ENAH: variants seen among roughly 807,000 people sequenced by gnomAD.
The protein encoded by ENAH is ENAH actin regulator.
ENAH carries 23 observed loss-of-function variants against 78.7 expected under a neutral mutation model. The ratio of observed to expected loss-of-function variants is 0.29; its 90% CI spans 0.21 to 0.41. The LOEUF (loss-of-function observed/expected upper bound fraction) is 0.41. Among genes scored for constraint, ENAH ranks in the 10% least tolerant of loss-of-function variants. The probability of loss-of-function intolerance (pLI) is 1.00; values close to 1 mark genes in which losing one functional copy is unlikely to be tolerated. For synonymous variants in ENAH, 226 were observed against 241.0 expected, an observed-to-expected ratio of 0.94 and a Z score of 0.58; for missense variants, 544 against 691.0, an observed-to-expected ratio of 0.79 and a Z score of 2.39.
chr1:225,539,748 A>C (rs548027753), intron 3 of ENAH, among the ~76,000 whole-genome samples: 1 of 152,268 alleles, frequency 6.6e-6, no homozygotes, highest in East Asian at 1.9e-4. Context: ...AATTTCTCAA[A>C]TATGCTGTAT....
chr1:225,510,744 G>A (rs1375160823), intron 10 of ENAH, among the ~76,000 whole-genome samples: 2 of 151,280 alleles, frequency 1.3e-5, no homozygotes, highest in Admixed American at 6.6e-5. Context: ...GTGCACTGTG[G>A]CTCACGCCTG....
At chr1:225,497,960 A>C in intron 13 of ENAH, 148 bp from the exon 14 acceptor site, 1 of 627,572 alleles carries the variant, frequency 1.6e-6, no homozygotes, top group Non-Finnish European at 2.7e-6. Context: ...CACATCTTTA[A>C]TATTAGAAAG....
At chr1:225,558,399 T>C (rs561311125) in intron 2 of ENAH, among the ~76,000 whole-genome samples, 9 of 152,308 alleles carry the variant, frequency 5.9e-5, no homozygotes, top group Admixed American at 2.0e-4. Context: ...TTAATTTCTT[T>C]AAAGTGTTTT....
chr1:225,499,713 C>T (rs2096271224), intron 12 of ENAH, among the ~76,000 whole-genome samples: 3 of 152,022 alleles, frequency 2.0e-5, no homozygotes, highest in African/African-American at 7.2e-5. Context: ...CCTGCAGATT[C>T]AAGATCAGAG....
At chr1:225,652,434 C>T (rs1663191148) in intron 1 of ENAH, 1 of 984,212 alleles carries the variant, frequency 1.0e-6, no homozygotes, top group Non-Finnish European at 1.2e-6. Flanking sequence ...AAGGGAAATC[C>T]TGGGTGAAAG....
chr1:225,501,048 GT>G lies in ENAH; in HGVS notation c.1560del (p.Gln521SerfsTer17). 6.2e-7 allele frequency: 1 copy of G among 1,614,160 alleles called. No homozygotes were observed. The highest frequency in any genetic ancestry group is 8.5e-7 in the Non-Finnish European group (1 of 1,180,000). On this transcript the variant is annotated frameshift_variant, in exon 12 of 14. Transcript: ENST00000366843. LOFTEE classifies it high-confidence loss of function. The stretch of plus-strand genomic sequence containing the variant: ...GTCTGGACTCCATTGGCACTGGGCT[GT>G]GATAAGGGTGTGGATTTTGGTCTGT... ...VISRPKSTPLSQPSANGVQTE... is the reference protein window; with the variant it reads ...VISRPKSTPLXQPSANGVQTE...
At chr1:225,516,598 G>A (rs2096419280) in intron 6 of ENAH, among the ~76,000 whole-genome samples, 3 of 152,150 alleles carry the variant, frequency 2.0e-5, no homozygotes, top group Admixed American at 1.3e-4. Flanking sequence ...GTATTAGCTG[G>A]GTGCGGTGCT....
intron 1 of ENAH, among the ~76,000 whole-genome samples, chr1:225,591,864 A>G (rs2096878920): frequency 6.6e-6 from 1 of 152,046 alleles, no homozygotes. Flanking sequence ...GTCTCTTTAG[A>G]AGCACCAGAG....
intron 1 of ENAH, among the ~76,000 whole-genome samples, chr1:225,647,010 A>T (rs1375699531): frequency 6.6e-6 from 1 of 151,792 alleles, no homozygotes; most frequent in Non-Finnish European, 1.5e-5. Context: ...GCGCATCACG[A>T]GGTCAGGAGA....
chr1:225,603,289 A>G (rs1374604170), intron 1 of ENAH, among the ~76,000 whole-genome samples: 2 of 152,122 alleles, frequency 1.3e-5, no homozygotes, highest in African/African-American at 2.4e-5. Context: ...TAAAAGCTCA[A>G]AAGTTTAACT....
intron 12 of ENAH, among the ~76,000 whole-genome samples, chr1:225,498,952 T>C (rs2096265372): frequency 6.6e-6 from 1 of 152,152 alleles, no homozygotes; most frequent in Non-Finnish European, 1.5e-5. Flanking sequence ...GAGGCCCTGG[T>C]TGACCCATGC....
chr1:225,534,407 TCTTTC>T (rs1158989435), intron 3 of ENAH, among the ~76,000 whole-genome samples: 1 of 152,174 alleles, frequency 6.6e-6, no homozygotes. Context: ...CCTTTTCTTT[TCTTTC>T]CTTTTTTCTT....
At chr1:225,566,147 A>G (rs1439270791) in intron 2 of ENAH, among the ~76,000 whole-genome samples, 1 of 152,008 alleles carries the variant, frequency 6.6e-6, no homozygotes, top group African/African-American at 2.4e-5. Context: ...GGGAGCTTCT[A>G]AGCCAGCTAA....
In ENAH at chr1:225,652,746, C is replaced by T; in HGVS notation, c.-56G>A. The T allele has an allele frequency of 2.3e-6, 3 of 1,302,758 alleles. No homozygotes were observed. The highest frequency in any genetic ancestry group is 4.0e-5 in the Admixed American group (1 of 25,206). The allele number at this position is 1,302,758 out of a possible 1,614,324, so 80.7% of individuals were successfully genotyped here. ...GCCGGGAGACGCAGAAGGCGCCGAG[C>T]CGAGGGGGGGGTCTCTCCTCCAGGG... On this transcript the variant is annotated 5_prime_UTR_variant, in exon 1 of 14. Transcript: ENST00000366843.
At chr1:225,630,217 T>C (rs917516792) in intron 1 of ENAH, among the ~76,000 whole-genome samples, 1 of 150,876 alleles carries the variant, frequency 6.6e-6, no homozygotes, top group Non-Finnish European at 1.5e-5. Context: ...TAACTTTACT[T>C]GGAAAAGCTA....
At chr1:225,506,585 G>T (rs1046327002) in intron 11 of ENAH, among the ~76,000 whole-genome samples, 2 of 152,168 alleles carry the variant, frequency 1.3e-5, no homozygotes, top group African/African-American at 4.8e-5. Flanking sequence ...ATCTCAGTTA[G>T]GAGTCTGAGA....
At chr1:225,556,227 C>A (rs1372703292) in intron 2 of ENAH, among the ~76,000 whole-genome samples, 1 of 152,194 alleles carries the variant, frequency 6.6e-6, no homozygotes. Context: ...TGGGCATATA[C>A]CCAGGAGTGG....
intron 5 of ENAH, 101 bp from the exon 6 acceptor site, chr1:225,517,407 T>C (rs1157015975): frequency 6.4e-7 from 1 of 1,551,542 alleles, no homozygotes; most frequent in East Asian, 2.4e-5. Flanking sequence ...GTGAGAGTGA[T>C]GCGAGGGAAG....
intron 1 of ENAH, among the ~76,000 whole-genome samples, chr1:225,572,589 C>T (rs2096768692): frequency 6.6e-6 from 1 of 152,164 alleles, no homozygotes; most frequent in Non-Finnish European, 1.5e-5. Flanking sequence ...TATGGCTGGC[C>T]TCAGCCACAA....
Sources: gnomAD v4.1 joint callset for allele counts (sites outside exome capture counted in the v4.1 genomes callset) on GRCh38, gnomAD v4.1.1 for gene constraint, MANE v1.5 for transcripts, NCBI Gene and HGNC (gene_info 2026-07-23, HGNC 2026-07-21) for gene names.